MICU1: variants seen among roughly 807,000 people sequenced by gnomAD.
MICU1 encodes calcium uptake protein 1, mitochondrial.
A neutral mutation model predicts 56.8 loss-of-function variants in MICU1; 45 were observed. The ratio of observed to expected loss-of-function variants is 0.79; its 90% CI spans 0.62 to 1.02. MICU1 has a LOEUF of 1.02. Ranked by LOEUF, MICU1 falls within the 50% of genes least tolerant of loss-of-function variation. The pLI, the probability that MICU1 is intolerant of heterozygous loss-of-function variation, is 0.00. For missense variants in MICU1, 504 were observed against 587.1 expected, an observed-to-expected ratio of 0.86 and a Z score of 1.46; for synonymous variants, 186 against 195.1, an observed-to-expected ratio of 0.95 and a Z score of 0.39.
chr10:72,619,813 G>A (rs1343004662), intron 1 of MICU1, among the ~76,000 whole-genome samples: 2 of 152,184 alleles, frequency 1.3e-5, no homozygotes, highest in East Asian at 1.9e-4. Context: ...CAGAACGGTG[G>A]AGAGGCATTC....
At chr10:72,540,712 G>C (rs919335853) in intron 4 of MICU1, among the ~76,000 whole-genome samples, 1 of 152,204 alleles carries the variant, frequency 6.6e-6, no homozygotes, top group Non-Finnish European at 1.5e-5. Context: ...TGGTAGATTA[G>C]ATTACTGATC....
intron 9 of MICU1, among the ~76,000 whole-genome samples, chr10:72,411,114 A>C (rs1863796173): frequency 6.6e-6 from 1 of 151,006 alleles, no homozygotes; most frequent in Non-Finnish European, 1.5e-5. Context: ...CTAGCCACAA[A>C]AGGACAAAAG....
At chr10:72,376,830 T>C (rs982715650) in intron 10 of MICU1, among the ~76,000 whole-genome samples, 1 of 151,908 alleles carries the variant, frequency 6.6e-6, no homozygotes, top group Admixed American at 6.6e-5. Context: ...TTCCACTGAC[T>C]TGTATATTTA....
chr10:72,519,430 G>C (rs776239105), intron 5 of MICU1, among the ~76,000 whole-genome samples: 4 of 152,150 alleles, frequency 2.6e-5, no homozygotes, highest in Non-Finnish European at 5.9e-5. Context: ...TCATTTTTTA[G>C]ATAAGCAGAA....
chr10:72,538,426 T>A (rs1193644438), intron 4 of MICU1, among the ~76,000 whole-genome samples: 1 of 152,068 alleles, frequency 6.6e-6, no homozygotes, highest in African/African-American at 2.4e-5. Context: ...TTGTCATTAG[T>A]GAAATGCAAA....
At chr10:72,565,187 C>T (rs1462730410) in intron 2 of MICU1, among the ~76,000 whole-genome samples, 1 of 150,966 alleles carries the variant, frequency 6.6e-6, no homozygotes, top group East Asian at 1.9e-4. Flanking sequence ...GACACACGCA[C>T]ACGTATGTTT....
intron 9 of MICU1, among the ~76,000 whole-genome samples, chr10:72,410,529 G>A (rs1246821757): frequency 6.6e-6 from 1 of 152,204 alleles, no homozygotes; most frequent in Non-Finnish European, 1.5e-5. Context: ...TGAGGCAGGA[G>A]AATCGCTTGA....
At chr10:72,511,109 A>T (rs1412377477) in intron 5 of MICU1, among the ~76,000 whole-genome samples, 3 of 152,154 alleles carry the variant, frequency 2.0e-5, no homozygotes, top group Admixed American at 2.0e-4. Context: ...GTAGAGGTTT[A>T]TTGGTTTTGA....
chr10:72,430,763 A>T (rs1430793544), intron 8 of MICU1, among the ~76,000 whole-genome samples: 1 of 151,724 alleles, frequency 6.6e-6, no homozygotes, highest in Non-Finnish European at 1.5e-5. Flanking sequence ...GTTTCACTCC[A>T]TTGGCAGGCT....
chr10:72,468,752 T>A (rs1336738634), intron 8 of MICU1, among the ~76,000 whole-genome samples: 4 of 152,188 alleles, frequency 2.6e-5, no homozygotes, highest in Non-Finnish European at 4.4e-5. Context: ...ACAGTGTATT[T>A]CTCCACAGTC....
intron 4 of MICU1, among the ~76,000 whole-genome samples, chr10:72,549,694 G>T (rs867817379): frequency 8.5e-5 from 13 of 152,086 alleles, no homozygotes; most frequent in Non-Finnish European, 4.4e-5. Flanking sequence ...ACTTTGGGAG[G>T]CTGAGGCAGG....
At chr10:72,450,696 A>G (rs977036488) in intron 8 of MICU1, among the ~76,000 whole-genome samples, 1 of 149,124 alleles carries the variant, frequency 6.7e-6, no homozygotes, top group African/African-American at 2.5e-5. Flanking sequence ...GTTTGAAATT[A>G]TACTTCCTTA....
intron 4 of MICU1, among the ~76,000 whole-genome samples, chr10:72,539,075 T>G (rs1342565694): frequency 2.0e-5 from 3 of 152,100 alleles, no homozygotes; most frequent in African/African-American, 7.2e-5. Context: ...CCAATCTCAG[T>G]GCACCTAAAT....
chr10:72,532,144 C>T (rs182734244), intron 5 of MICU1, among the ~76,000 whole-genome samples: 1 of 151,996 alleles, frequency 6.6e-6, no homozygotes, highest in East Asian at 1.9e-4. Context: ...AGTGAAACCC[C>T]ATCTGTACTA....
In MICU1 at chr10:72,424,090, T is replaced by A. The variant is rs183145938; in HGVS notation, c.934-719A>T. Among the ~76,000 whole-genome samples, 18 of 151,202 alleles carry A rather than the reference T, an allele frequency of 1.2e-4. No individual in the cohort carries two copies. The East Asian group carries it at 3.5e-3, about 29-fold the overall frequency. On this transcript the variant is annotated intron_variant, in intron 8 of 11. Coordinates refer to ENST00000361114, the MANE Select transcript of MICU1 (RefSeq NM_001195518.2). ...GTATTTTAATACAATTACTTTTGTA[T>A]CAACCTATAACAGTGACCATTTCCC...
chr10:72,616,655 A>AT (rs1206480875), intron 1 of MICU1, among the ~76,000 whole-genome samples: 1 of 151,884 alleles, frequency 6.6e-6, no homozygotes, highest in Non-Finnish European at 1.5e-5. Flanking sequence ...TGGTGGGAAA[A>AT]AAAAAAAAAA....
Position 72,551,295 on chromosome 10 carries a change from T to C in MICU1, c.377A>G (p.Lys126Arg), listed in dbSNP as rs927857357. 6.2e-7 allele frequency: 1 copy of C among 1,613,432 alleles called. No homozygotes were observed. The change falls in exon 4 of 12, where the codon AAA becomes AGA. Residue 126 changes from lysine to arginine, a missense_variant. Transcript: ENST00000361114. ...NRIRAYSTPDKIFRYFATLKV... is the reference protein window; with the variant it reads ...NRIRAYSTPDRIFRYFATLKV... The stretch of plus-strand genomic sequence containing the variant: ...CAAGGTGGCAAAATATCGGAAGATT[T>C]TGTCTGGCGTGGAGTAGGCTCGAAT...
At chr10:72,476,834 G>A (rs922632070) in intron 7 of MICU1, among the ~76,000 whole-genome samples, 1 of 152,102 alleles carries the variant, frequency 6.6e-6, no homozygotes, top group Non-Finnish European at 1.5e-5. Context: ...TGTAGTCCTT[G>A]TATTCTGGAA....
chr10:72,561,543 G>A (rs922135315), intron 3 of MICU1, among the ~76,000 whole-genome samples: 9 of 152,206 alleles, frequency 5.9e-5, no homozygotes, highest in Non-Finnish European at 1.0e-4. Context: ...TGGGCATGGC[G>A]GCTCATGCCT....
Sources: allele counts gnomAD v4.1 joint callset (sites outside exome capture counted in the v4.1 genomes callset), GRCh38; gene constraint gnomAD v4.1.1; transcripts MANE v1.5; gene names NCBI Gene and HGNC (gene_info 2026-07-23, HGNC 2026-07-21).